RBMS2: variants seen among roughly 807,000 people sequenced by gnomAD.
RBMS2 encodes the protein RNA binding motif single stranded interacting protein 2.
In RBMS2, 38 loss-of-function variants were observed where a neutral mutation model predicts 58.4. That is an observed-to-expected ratio of 0.65 (90% CI 0.50 to 0.85). The LOEUF (loss-of-function observed/expected upper bound fraction) is 0.85, where lower values mean the gene tolerates loss of function less well. Among genes scored for constraint, RBMS2 ranks in the 40% least tolerant of loss-of-function variants. RBMS2 has a pLI of 0.00. For missense variants in RBMS2, 367 were observed against 503.7 expected (o/e 0.73, Z 2.60); for synonymous variants, 151 against 180.7 (o/e 0.84, Z 1.32).
chr12:56,544,439 AT>A lies in RBMS2; in HGVS notation c.67-17975del, dbSNP rs571792014. 3.2e-4 allele frequency among the ~76,000 whole-genome samples: 48 copies of A among 152,268 alleles called. No individual in the cohort carries two copies. In the South Asian group the frequency reaches 9.7e-3, roughly 31 times the overall value. ...CATGATTTGAGCTTCAGTAAAATAT[AT>A]TTATCCTGTGACTGACTTTTCTACC... On this transcript the variant is annotated intron_variant, in intron 1 of 13. Transcript: ENST00000262031.
At chr12:56,570,640 C>G (rs1051538140) in intron 4 of RBMS2, among the ~76,000 whole-genome samples, 2 of 152,166 alleles carry the variant, frequency 1.3e-5, no homozygotes, top group African/African-American at 4.8e-5. Flanking sequence ...TGCAGTGGCG[C>G]AATCTCGGCT....
intron 1 of RBMS2, among the ~76,000 whole-genome samples, chr12:56,542,602 G>T (rs1876341588): frequency 6.9e-6 from 1 of 144,236 alleles, no homozygotes; most frequent in South Asian, 2.2e-4. Context: ...AGGCTGGAGT[G>T]CAGTGGCCCG....
intron 4 of RBMS2, among the ~76,000 whole-genome samples, chr12:56,570,670 C>T (rs971253577): frequency 3.9e-5 from 6 of 152,190 alleles, no homozygotes; most frequent in African/African-American, 1.2e-4. Flanking sequence ...CTGCACCTCC[C>T]GGCTTCACGC....
intron 10 of RBMS2, 65 bp from the exon 11 acceptor site, chr12:56,587,489 G>T: frequency 6.5e-7 from 1 of 1,536,280 alleles, no homozygotes; most frequent in African/African-American, 1.4e-5. Flanking sequence ...GACAGCCACC[G>T]ATCACTGCTT....
chr12:56,561,767 CTCCTT>C (rs1213150506), intron 1 of RBMS2, among the ~76,000 whole-genome samples: 1 of 92,514 alleles, frequency 1.1e-5, no homozygotes, highest in African/African-American at 4.1e-5. Flanking sequence ...CACCCCCCCC[CTCCTT>C]GGCCTCCCAA....
chr12:56,544,753 A>AT (rs1565740217), intron 1 of RBMS2, among the ~76,000 whole-genome samples: 2 of 36,858 alleles, frequency 5.4e-5, no homozygotes, highest in Non-Finnish European at 1.3e-4. Flanking sequence ...GCTAATTTTT[A>AT]ATTTTTTTTT....
At chr12:56,538,626 C>T (rs2939309) in intron 1 of RBMS2, among the ~76,000 whole-genome samples, 91,290 of 151,332 alleles carry the variant, frequency 0.6, 28,014 homozygotes, top group East Asian at 0.71. Context: ...GGATTACAGG[C>T]GCCTGCCACC....
intron 1 of RBMS2, among the ~76,000 whole-genome samples, chr12:56,531,057 G>A (rs940610798): frequency 2.6e-5 from 4 of 152,020 alleles, no homozygotes; most frequent in African/African-American, 9.7e-5. Context: ...AGCCCCAGAG[G>A]GGACTGTTTT....
intron 1 of RBMS2, among the ~76,000 whole-genome samples, chr12:56,544,315 T>C (rs1876737678): frequency 6.6e-6 from 1 of 152,176 alleles, no homozygotes; most frequent in African/African-American, 2.4e-5. Context: ...ATGTGGCGTG[T>C]ATTCTCTGCC....
At chr12:56,539,699 C>T (rs1186068034) in intron 1 of RBMS2, 10 of 452,018 alleles carry the variant, frequency 2.2e-5, no homozygotes, top group South Asian at 6.2e-5. Flanking sequence ...GAGTTTCGTT[C>T]GCTCTTGTTG....
chr12:56,523,118 C>T (rs568665321), intron 1 of RBMS2, among the ~76,000 whole-genome samples: 2 of 152,116 alleles, frequency 1.3e-5, no homozygotes, highest in South Asian at 4.1e-4. Context: ...ATGTTTAGAC[C>T]CAAAACACTT....
intron 2 of RBMS2, among the ~76,000 whole-genome samples, 180 bp downstream of exon 2, chr12:56,562,763 A>G (rs1286724052): frequency 1.3e-5 from 2 of 152,146 alleles, no homozygotes; most frequent in African/African-American, 4.8e-5. Flanking sequence ...CACTTATCCT[A>G]AAAGGCAATG....
intron 1 of RBMS2, among the ~76,000 whole-genome samples, chr12:56,555,345 C>T (rs1394573751): frequency 6.7e-6 from 1 of 150,246 alleles, no homozygotes; most frequent in Non-Finnish European, 1.5e-5. Context: ...GAGGCTGAGG[C>T]AGGAGAATCA....
intron 5 of RBMS2, among the ~76,000 whole-genome samples, chr12:56,578,337 C>T (rs1466633326): frequency 6.6e-6 from 1 of 152,054 alleles, no homozygotes; most frequent in Non-Finnish European, 1.5e-5. Flanking sequence ...CCCAGTTGGC[C>T]AGGCTGGTCT....
chr12:56,548,926 C>G (rs1314444737), intron 1 of RBMS2, among the ~76,000 whole-genome samples: 1 of 152,138 alleles, frequency 6.6e-6, no homozygotes. Context: ...TGAATGGATA[C>G]AGGATTCATA....
At chr12:56,551,825 C>T (rs1878315804) in intron 1 of RBMS2, among the ~76,000 whole-genome samples, 1 of 152,196 alleles carries the variant, frequency 6.6e-6, no homozygotes, top group Non-Finnish European at 1.5e-5. Context: ...TGGTGGCTTA[C>T]ACCTGTAATC....
intron 1 of RBMS2, among the ~76,000 whole-genome samples, chr12:56,545,768 C>T (rs1369480345): frequency 6.6e-6 from 1 of 152,030 alleles, no homozygotes; most frequent in African/African-American, 2.4e-5. Context: ...ACTTTCTTCC[C>T]TTTTATGGCT....
At chr12:56,570,068 G>A (rs1408485257) in intron 4 of RBMS2, 78 bp downstream of exon 4, 5 of 1,364,840 alleles carry the variant, frequency 3.7e-6, no homozygotes, top group Non-Finnish European at 5.2e-6. Flanking sequence ...GGTTTCCAGA[G>A]GGCTTAAGAA....
At chr12:56,583,896 ATT>A (rs1250107863) in intron 9 of RBMS2, among the ~76,000 whole-genome samples, 2 of 152,106 alleles carry the variant, frequency 1.3e-5, no homozygotes, top group African/African-American at 4.8e-5. Flanking sequence ...TTTGTTACAA[ATT>A]TTTTTCCAAT....
Sources: gnomAD v4.1 joint callset for allele counts (sites outside exome capture counted in the v4.1 genomes callset) on GRCh38, gnomAD v4.1.1 for gene constraint, MANE v1.5 for transcripts, NCBI Gene and HGNC (gene_info 2026-07-23, HGNC 2026-07-21) for gene names.